CYFIP1: variants seen among roughly 807,000 people sequenced by gnomAD.
CYFIP1 encodes the protein cytoplasmic FMR1 interacting protein 1.
Under a neutral mutation model 163.5 loss-of-function variants are expected in CYFIP1, and 58 were observed. That is an observed-to-expected ratio of 0.35 (90% CI 0.29 to 0.44). CYFIP1 has a LOEUF of 0.44. CYFIP1 is among the 20% of genes least tolerant of loss of function. CYFIP1 has a pLI of 1.00. For synonymous variants in CYFIP1, 663 were observed against 660.7 expected (o/e 1.00, Z -0.05); for missense variants, 1,338 against 1,653.8 (o/e 0.81, Z 3.31).
chr15:22,889,106 C>G (rs1389025324), intron 23 of CYFIP1, among the ~76,000 whole-genome samples: 1 of 151,808 alleles, frequency 6.6e-6, no homozygotes, highest in Admixed American at 6.6e-5. Context: ...TAGGTTTTAA[C>G]AAAAACGACA....
In CYFIP1 at chr15:22,959,115, C is replaced by T. The variant is rs1346048003; in HGVS notation, c.-6-11824G>A. Reference sequence around the variant, plus strand: ...AGGCACACAGATGAGCTCGGGGAAGCTCCATCAGCCCACCTGGCAGATGCC... The same window carrying T: ...AGGCACACAGATGAGCTCGGGGAAGTTCCATCAGCCCACCTGGCAGATGCC... On this transcript the variant is annotated intron_variant, in intron 1 of 30. Coordinates refer to ENST00000617928, the MANE Select transcript of CYFIP1 (RefSeq NM_014608.6). 2.0e-5 allele frequency among the ~76,000 whole-genome samples: 3 copies of T among 152,286 alleles called. No individual in the cohort carries two copies. In the East Asian group the frequency reaches 5.8e-4, roughly 30 times the overall value.
Position 22,892,876 on chromosome 15 carries a change from A to T in CYFIP1, c.2676+14T>A. On this transcript the variant is annotated intron_variant, in intron 23 of 30. Transcript: ENST00000617928. ...TGAGCTTCAAGCTCGTAACACGAAC[A>T]CATTGGAGCCTACCTTGGATCCATG... The T allele has an allele frequency of 6.3e-7, 1 of 1,594,486 alleles. No homozygotes were observed.
In CYFIP1 at chr15:22,883,634, G is replaced by A. The variant is rs377417347; in HGVS notation, c.2677-623C>T. 1.3e-3 allele frequency among the ~76,000 whole-genome samples: 204 copies of A among 152,122 alleles called. 3 individuals are homozygous for A. Among genetic ancestry groups the A allele is most frequent in the African/African-American group, 4.5e-3 (187 of 41,484 alleles). Reference sequence around the variant, plus strand: ...AGATGGAGACCATCCTGGCTAACACGGTGAAACCCCGTCTCTACTAAATAT... The same window carrying A: ...AGATGGAGACCATCCTGGCTAACACAGTGAAACCCCGTCTCTACTAAATAT... On this transcript the variant is annotated intron_variant, in intron 23 of 30. Transcript: ENST00000617928.
chr15:22,910,077 C>T (rs951366349), intron 20 of CYFIP1, among the ~76,000 whole-genome samples: 1 of 152,190 alleles, frequency 6.6e-6, no homozygotes, highest in Non-Finnish European at 1.5e-5. Flanking sequence ...TCTTTCAATG[C>T]CTAACAATTT....
chr15:22,921,469 T>C (rs2061174624), intron 13 of CYFIP1, among the ~76,000 whole-genome samples: 1 of 150,922 alleles, frequency 6.6e-6, no homozygotes, highest in Non-Finnish European at 1.5e-5. Flanking sequence ...AGCTGTTCAG[T>C]AAATAAACAG....
At position 22,931,686 on chromosome 15, in the gene CYFIP1, G is replaced by GAAA. The variant is rs766177290; in HGVS notation, c.1110+534_1110+536dup. ...CTTGGGATCCCTATAATGTTTTTCTGAAAAAAAAAAAAAAAAAAAAAAAAG... is the reference window on the plus strand; with the variant it reads ...CTTGGGATCCCTATAATGTTTTTCTGAAAAAAAAAAAAAAAAAAAAAAAAAAAG... On this transcript the variant is annotated intron_variant, in intron 11 of 30. Coordinates refer to ENST00000617928, the MANE Select transcript of CYFIP1 (RefSeq NM_014608.6). Among the ~76,000 whole-genome samples, 141 of 39,694 alleles carry GAAA rather than the reference G, an allele frequency of 3.6e-3. 19 individuals carry two copies. Among genetic ancestry groups the GAAA allele is most frequent in the East Asian group, 0.027 (22 of 802 alleles). The allele number at this position is 39,694 out of a possible 152,430, so 26.0% of individuals were successfully genotyped here.
intron 21 of CYFIP1, among the ~76,000 whole-genome samples, chr15:22,907,749 G>C (rs917025812): frequency 6.6e-6 from 1 of 152,190 alleles, no homozygotes; most frequent in Non-Finnish European, 1.5e-5. Flanking sequence ...TCAGAGTTGG[G>C]GGGTGGTCAG....
At chr15:22,975,443 A>C (rs2063235626) in intron 1 of CYFIP1, among the ~76,000 whole-genome samples, 1 of 52,510 alleles carries the variant, frequency 1.9e-5, no homozygotes, top group Non-Finnish European at 4.0e-5. Context: ...CTCCGTCTCA[A>C]AAAAAAAAAA....
intron 21 of CYFIP1, among the ~76,000 whole-genome samples, chr15:22,908,339 C>T (rs543746953): frequency 1.4e-4 from 22 of 151,986 alleles, no homozygotes; most frequent in African/African-American, 4.6e-4. Context: ...AGAGGGTGAG[C>T]GGGGAACGTT....
rs1335000950 is a variant in CYFIP1, at chr15:22,910,722, A to G, written c.2159+15T>C. ...ATGAAACGTTTTGTATCAAAATCAC[A>G]CACCAGATACTCACCTTCCTGCCAT... On this transcript the variant is annotated intron_variant, in intron 19 of 30. Coordinates refer to ENST00000617928, the MANE Select transcript of CYFIP1 (RefSeq NM_014608.6). 6.2e-7 allele frequency: 1 copy of G among 1,611,552 alleles called. No homozygotes were observed. The highest frequency in any genetic ancestry group is 1.1e-5 in the South Asian group (1 of 91,038).
intron 17 of CYFIP1, among the ~76,000 whole-genome samples, chr15:22,912,740 C>A (rs554598156): frequency 1.8e-4 from 27 of 151,884 alleles, no homozygotes; most frequent in Admixed American, 7.2e-4. Context: ...CTGGGCAATA[C>A]GGCAATACTG....
intron 9 of CYFIP1, among the ~76,000 whole-genome samples, chr15:22,935,963 G>C (rs993750448): frequency 6.6e-6 from 1 of 152,170 alleles, no homozygotes; most frequent in East Asian, 1.9e-4. Context: ...GCCTCTTAGG[G>C]GAGAATACAT....
At chr15:22,879,157 GAAAAT>G (rs1486190245) in intron 26 of CYFIP1, among the ~76,000 whole-genome samples, 1 of 151,360 alleles carries the variant, frequency 6.6e-6, no homozygotes, top group South Asian at 2.1e-4. Context: ...AAAAGAAAAA[GAAAAT>G]AGGCCGAAGA....
At chr15:22,923,961 A>C (rs998670088) in intron 13 of CYFIP1, among the ~76,000 whole-genome samples, 4 of 151,412 alleles carry the variant, frequency 2.6e-5, no homozygotes, top group Non-Finnish European at 1.5e-5. Flanking sequence ...AAAAAAAAAA[A>C]AAAACAAGAA....
chr15:22,900,368 C>T (rs755061711), intron 22 of CYFIP1, among the ~76,000 whole-genome samples: 4 of 151,646 alleles, frequency 2.6e-5, no homozygotes, highest in African/African-American at 4.8e-5. Flanking sequence ...GACTTCTGGA[C>T]TCCAGAACCG....
chr15:22,891,923 C>T lies in CYFIP1; in HGVS notation c.2676+967G>A, dbSNP rs574141425. 3.3e-4 allele frequency among the ~76,000 whole-genome samples: 51 copies of T among 152,368 alleles called. 3 individuals are homozygous for T. The South Asian group carries it at 9.3e-3, about 28-fold the overall frequency. ...GTGTGAGCGGCAGGGCCTGGGCCCTCTCCATCCCAGCTCCAGGCATTGGGC... is the reference window on the plus strand; with the variant it reads ...GTGTGAGCGGCAGGGCCTGGGCCCTTTCCATCCCAGCTCCAGGCATTGGGC... On this transcript the variant is annotated intron_variant, in intron 23 of 30. Coordinates refer to ENST00000617928, the MANE Select transcript of CYFIP1 (RefSeq NM_014608.6).
rs555350069 is a variant in CYFIP1 at position 22,893,958 on chromosome 15, G to A, written c.2589-981C>T. Among the ~76,000 whole-genome samples, 21 of 152,260 alleles carry A rather than the reference G, an allele frequency of 1.4e-4. No individual in the cohort carries two copies. In the South Asian group the frequency reaches 3.1e-3, roughly 23 times the overall value. On this transcript the variant is annotated intron_variant, in intron 22 of 30. Transcript: ENST00000617928. ...CCCTGCGCCTGTGTTCTTAACACCC[G>A]TTCCAGGAAGTACATTCCATCAGGA... is the stretch of plus-strand genomic sequence containing the variant.
At chr15:22,954,641 A>G (rs2062381887) in intron 1 of CYFIP1, among the ~76,000 whole-genome samples, 1 of 152,238 alleles carries the variant, frequency 6.6e-6, no homozygotes, top group African/African-American at 2.4e-5. Flanking sequence ...AACAACATAA[A>G]GAGATGTTTT....
In CYFIP1 at chr15:22,950,692, C is replaced by T; in HGVS notation, c.-6-3401G>A. On this transcript the variant is annotated intron_variant, in intron 1 of 30. Transcript: ENST00000617928. ...TCTCAGACCGTCCTGCTCCTCCCAC[C>T]CAGGACACAAACCATCCCCTTGTCC... Among the ~76,000 whole-genome samples, 3 of 152,344 alleles carry T rather than the reference C, an allele frequency of 2.0e-5. No homozygotes were observed. The South Asian group carries it at 6.2e-4, about 32-fold the overall frequency.
Sources: gnomAD v4.1 joint callset for allele counts (sites outside exome capture counted in the v4.1 genomes callset) on GRCh38, gnomAD v4.1.1 for gene constraint, MANE v1.5 for transcripts, NCBI Gene and HGNC (gene_info 2026-07-23, HGNC 2026-07-21) for gene names.